The following IPO11 variants were observed in gnomAD, a reference collection of about 807,000 sequenced individuals.
IPO11 encodes importin-11.
Under a neutral mutation model 143.2 loss-of-function variants are expected in IPO11, and 66 were observed. That is an observed-to-expected ratio of 0.46 (90% CI 0.38 to 0.57). The LOEUF (loss-of-function observed/expected upper bound fraction) is 0.57, where lower values mean the gene tolerates loss of function less well. Among genes scored for constraint, IPO11 ranks in the 20% least tolerant of loss-of-function variants. IPO11 has a pLI of 0.00. For missense variants in IPO11, 1,026 were observed against 1,141.0 expected, an observed-to-expected ratio of 0.90 and a Z score of 1.45; for synonymous variants, 385 against 377.8, an observed-to-expected ratio of 1.02 and a Z score of -0.22.
At chr5:62,602,426 A>G (rs577612598) in intron 29 of IPO11, among the ~76,000 whole-genome samples, 12 of 152,334 alleles carry the variant, frequency 7.9e-5, no homozygotes, top group Non-Finnish European at 2.9e-5. Context: ...AAATAGGTAC[A>G]TAAGAAACTA....
intron 29 of IPO11, among the ~76,000 whole-genome samples, chr5:62,620,433 G>C (rs1043506542): frequency 6.6e-6 from 1 of 150,938 alleles, no homozygotes; most frequent in African/African-American, 2.4e-5. Flanking sequence ...GCAGGAGAAT[G>C]GCATGAACCC....
intron 27 of IPO11, chr5:62,579,541 G>C (rs905867110): frequency 1.9e-6 from 3 of 1,550,982 alleles, no homozygotes; most frequent in African/African-American, 2.7e-5. Context: ...ATGTTCGTCT[G>C]TTTGTCAGCT....
At chr5:62,499,235 G>A (rs32047) in intron 16 of IPO11, among the ~76,000 whole-genome samples, 9,262 of 152,178 alleles carry the variant, frequency 0.061, 400 homozygotes, top group East Asian at 0.14. Context: ...CTCGGCTGTG[G>A]GTACAAACCA....
intron 20 of IPO11, among the ~76,000 whole-genome samples, chr5:62,522,340 A>G (rs1474482694): frequency 1.3e-5 from 2 of 150,786 alleles, no homozygotes; most frequent in East Asian, 1.9e-4. Context: ...GCTGGAGTGC[A>G]GTGGTACGAT....
At chr5:62,545,662 G>A (rs987882401) in intron 24 of IPO11, among the ~76,000 whole-genome samples, 2 of 152,130 alleles carry the variant, frequency 1.3e-5, no homozygotes, top group African/African-American at 4.8e-5. Context: ...GAGTGAACAG[G>A]CAACCTACAG....
At chr5:62,419,049 A>T in intron 1 of IPO11, 1 of 1,551,324 alleles carries the variant, frequency 6.4e-7, no homozygotes, top group African/African-American at 1.4e-5. Context: ...GCTATGTGGT[A>T]TATAGCTTAT....
At chr5:62,537,641 T>G (rs1456846009) in intron 24 of IPO11, among the ~76,000 whole-genome samples, 1 of 152,192 alleles carries the variant, frequency 6.6e-6, no homozygotes, top group Non-Finnish European at 1.5e-5. Context: ...TGATACTTCT[T>G]ATTCTTTCAT....
At chr5:62,540,190 T>A (rs1453659046) in intron 24 of IPO11, among the ~76,000 whole-genome samples, 1 of 152,190 alleles carries the variant, frequency 6.6e-6, no homozygotes, top group Non-Finnish European at 1.5e-5. Flanking sequence ...GAGGATCCAT[T>A]TGGGATTCTC....
chr5:62,487,403 A>G (rs1336658315), intron 12 of IPO11, among the ~76,000 whole-genome samples: 1 of 152,152 alleles, frequency 6.6e-6, no homozygotes, highest in Admixed American at 6.5e-5. Context: ...TCAAAAAAAA[A>G]AGAATCTTGG....
chr5:62,487,483 A>G (rs1382988819), intron 12 of IPO11, among the ~76,000 whole-genome samples: 1 of 152,126 alleles, frequency 6.6e-6, no homozygotes, highest in African/African-American at 2.4e-5. Context: ...TTAAGGTATG[A>G]TTAATTTAAA....
At chr5:62,575,593 A>T (rs1449611368) in intron 27 of IPO11, among the ~76,000 whole-genome samples, 14 of 152,084 alleles carry the variant, frequency 9.2e-5, no homozygotes, top group Non-Finnish European at 1.5e-5. Flanking sequence ...CCCCAGCAGA[A>T]TAGAGTGTTC....
At chr5:62,537,779 T>C (rs1032836820) in intron 24 of IPO11, among the ~76,000 whole-genome samples, 1 of 152,124 alleles carries the variant, frequency 6.6e-6, no homozygotes, top group African/African-American at 2.4e-5. Context: ...GTCTCTAAGT[T>C]GTATATTATC....
At chr5:62,568,574 C>CAAAAAAAAAAA (rs66748975) in intron 27 of IPO11, among the ~76,000 whole-genome samples, 4 of 51,894 alleles carry the variant, frequency 7.7e-5, no homozygotes, top group Admixed American at 2.9e-4. Context: ...ACTCTGTCTC[C>CAAAAAAAAAAA]AAAAAAAAAA....
chr5:62,450,004 G>A lies in IPO11; in HGVS notation c.312+5G>A. ...TTCAATGAACCAATAAACCAGGTTA[G>A]TGAGAAATGAATGCTAATTTTTCTT... On this transcript the variant is annotated splice_donor_5th_base_variant and intron_variant, in intron 4 of 29. Coordinates refer to ENST00000325324, the MANE Select transcript of IPO11 (RefSeq NM_016338.5). 5.7e-6 allele frequency: 9 copies of A among 1,577,020 alleles called. No homozygotes were observed. Among genetic ancestry groups the A allele is most frequent in the Non-Finnish European group, 7.7e-6 (9 of 1,162,474 alleles).
Position 62,448,889 on chromosome 5 carries a change from T to C in IPO11, c.240-1038T>C, listed in dbSNP as rs372770682. Among the ~76,000 whole-genome samples, 7 of 152,278 alleles carry C rather than the reference T, an allele frequency of 4.6e-5. No individual in the cohort carries two copies. In the South Asian group the frequency reaches 1.4e-3, roughly 32 times the overall value. ...CTTTTTCTAGTTAATGCCAGAACCT[T>C]GTAGTAATACGTTAATTCTGTGTAA... On this transcript the variant is annotated intron_variant, in intron 3 of 29. Transcript: ENST00000325324.
At chr5:62,592,725 C>T (rs1458116111) in intron 28 of IPO11, among the ~76,000 whole-genome samples, 4 of 152,006 alleles carry the variant, frequency 2.6e-5, no homozygotes, top group African/African-American at 4.8e-5. Flanking sequence ...TCCTTTTTCA[C>T]GTGGCGGCAG....
In IPO11 at chr5:62,547,745, C is replaced by A. The variant is rs532272140; in HGVS notation, c.2251-2622C>A. Among the ~76,000 whole-genome samples the A allele has an allele frequency of 4.6e-5, 7 of 152,200 alleles. No homozygotes were observed. The East Asian group carries it at 9.6e-4, about 21-fold the overall frequency. ...TACTCCCTTGCCACAACCCCCTCCTCCCTGCTGCTAAATAAAACTGTAAAG... is the reference window on the plus strand; with the variant it reads ...TACTCCCTTGCCACAACCCCCTCCTACCTGCTGCTAAATAAAACTGTAAAG... On this transcript the variant is annotated intron_variant, in intron 24 of 29. Transcript: ENST00000325324.
At position 62,627,151 on chromosome 5, in the gene IPO11, C is replaced by T; in HGVS notation, c.2764-3C>T. ...CAGTCTTGCTCCTCTCTGTATCCCACAGCTGGCCCTGAAGGACCCTGTTCA... is the reference window on the plus strand; with the variant it reads ...CAGTCTTGCTCCTCTCTGTATCCCATAGCTGGCCCTGAAGGACCCTGTTCA... On this transcript the variant is annotated splice_polypyrimidine_tract_variant and splice_region_variant and intron_variant, in intron 29 of 29. Transcript: ENST00000325324. The T allele has an allele frequency of 1.2e-6, 2 of 1,612,522 alleles. No individual in the cohort carries two copies. Among genetic ancestry groups the T allele is most frequent in the Non-Finnish European group, 1.7e-6 (2 of 1,178,968 alleles).
intron 1 of IPO11, among the ~76,000 whole-genome samples, chr5:62,427,091 C>T (rs1743780307): frequency 1.3e-5 from 2 of 151,916 alleles, no homozygotes; most frequent in South Asian, 4.2e-4. Context: ...GCGCCCGCCA[C>T]CACACCTGGC....
Sources: allele counts gnomAD v4.1 joint callset (sites outside exome capture counted in the v4.1 genomes callset), GRCh38; gene constraint gnomAD v4.1.1; transcripts MANE v1.5; gene names NCBI Gene and HGNC (gene_info 2026-07-23, HGNC 2026-07-21).